The following NREP variants were observed in gnomAD, a reference collection of about 807,000 sequenced individuals.
The protein encoded by NREP is neuronal regeneration related protein.
In NREP, 5 loss-of-function variants were observed where a neutral mutation model predicts 8.6. The ratio of observed to expected loss-of-function variants is 0.58; its 90% confidence interval spans 0.30 to 1.22. The LOEUF (loss-of-function observed/expected upper bound fraction) is 1.22. Among genes scored for constraint, NREP ranks in the 50% most tolerant of loss-of-function variants. NREP has a pLI of 0.07. For synonymous variants in NREP, 27 were observed against 28.0 expected (o/e 0.96, Z 0.11); for missense variants, 86 against 82.5 (o/e 1.04, Z -0.17).
intron 2 of NREP, among the ~76,000 whole-genome samples, chr5:111,919,326 G>A (rs1170411189): frequency 6.6e-6 from 1 of 152,058 alleles, no homozygotes; most frequent in Non-Finnish European, 1.5e-5. Flanking sequence ...GATTCCTCAA[G>A]GATCTAGAAC....
intron 2 of NREP, among the ~76,000 whole-genome samples, chr5:111,820,092 C>A (rs1581140777): frequency 6.6e-6 from 1 of 151,144 alleles, no homozygotes; most frequent in Non-Finnish European, 1.5e-5. Context: ...TCACATTTAA[C>A]AAGAATCCTG....
intron 2 of NREP, among the ~76,000 whole-genome samples, chr5:111,839,127 T>C (rs1017005381): frequency 2.6e-5 from 4 of 152,150 alleles, no homozygotes; most frequent in Admixed American, 2.6e-4. Context: ...TCAGACTTCA[T>C]CTTCATTGTT....
intron 2 of NREP, among the ~76,000 whole-genome samples, chr5:111,958,439 C>A (rs1467852642): frequency 1.3e-5 from 2 of 151,788 alleles, no homozygotes; most frequent in African/African-American, 4.8e-5. Context: ...CCAAGGAAGG[C>A]AAAATGCAGT....
At chr5:111,837,926 C>A (rs1752935394) in intron 2 of NREP, among the ~76,000 whole-genome samples, 1 of 152,126 alleles carries the variant, frequency 6.6e-6, no homozygotes, top group African/African-American at 2.4e-5. Flanking sequence ...ATACTTTCTA[C>A]TGTTATGTGA....
chr5:111,874,534 C>T (rs139968651), intron 2 of NREP, among the ~76,000 whole-genome samples: 1 of 152,180 alleles, frequency 6.6e-6, no homozygotes, highest in Non-Finnish European at 1.5e-5. Context: ...ATTTAACAGG[C>T]TTTTTCTAGA....
chr5:111,882,182 T>G (rs1041684426), intron 2 of NREP, among the ~76,000 whole-genome samples: 4 of 152,132 alleles, frequency 2.6e-5, no homozygotes, highest in Admixed American at 6.5e-5. Context: ...ACGTGAAGAA[T>G]GCAGAAGCCT....
At chr5:111,840,410 G>A (rs926913232) in intron 2 of NREP, among the ~76,000 whole-genome samples, 12 of 152,006 alleles carry the variant, frequency 7.9e-5, no homozygotes, top group African/African-American at 2.9e-4. Context: ...GCCATTATGC[G>A]ACCAGGAAGG....
intron 2 of NREP, among the ~76,000 whole-genome samples, chr5:111,966,817 A>G (rs1756655455): frequency 6.6e-6 from 1 of 152,310 alleles, no homozygotes; most frequent in South Asian, 2.1e-4. Context: ...CATTTTTCCA[A>G]TCTGTTTTTT....
At chr5:111,840,926 G>C (rs1011899763) in intron 2 of NREP, among the ~76,000 whole-genome samples, 2 of 152,050 alleles carry the variant, frequency 1.3e-5, no homozygotes, top group Non-Finnish European at 2.9e-5. Context: ...AAAAGGAGAA[G>C]GGTATTTCAG....
At chr5:111,750,067 C>A (rs1750258361) in intron 2 of NREP, among the ~76,000 whole-genome samples, 1 of 152,122 alleles carries the variant, frequency 6.6e-6, no homozygotes, top group South Asian at 2.1e-4. Context: ...TGCTCAGGGG[C>A]TTCCTATTGC....
chr5:111,803,588 T>C (rs1405375620), intron 2 of NREP, among the ~76,000 whole-genome samples: 1 of 152,178 alleles, frequency 6.6e-6, no homozygotes, highest in African/African-American at 2.4e-5. Flanking sequence ...GTTCAAAGCA[T>C]TTATGTTAAT....
intron 2 of NREP, among the ~76,000 whole-genome samples, chr5:111,880,898 C>T (rs10077865): frequency 0.56 from 84,696 of 151,956 alleles, 24,903 homozygotes; most frequent in Non-Finnish European, 0.67. Context: ...GCGTGAGCAA[C>T]GCAGAAGACG....
chr5:111,853,164 C>A (rs1411230941), intron 2 of NREP, among the ~76,000 whole-genome samples: 1 of 152,000 alleles, frequency 6.6e-6, no homozygotes, highest in African/African-American at 2.4e-5. Context: ...ATGATTCCAA[C>A]TATATAACAT....
intron 2 of NREP, among the ~76,000 whole-genome samples, chr5:111,845,178 C>T (rs538562208): frequency 2.0e-5 from 3 of 152,174 alleles, no homozygotes; most frequent in East Asian, 3.9e-4. Context: ...CTCTCCTTCC[C>T]CTACTTGGAG....
At chr5:111,948,839 A>G (rs1756069911) in intron 2 of NREP, 1 of 152,022 alleles carries the variant, frequency 6.6e-6, no homozygotes, top group Non-Finnish European at 1.5e-5. Context: ...GGCATTTCCA[A>G]TTTTTTCTCA....
intron 2 of NREP, among the ~76,000 whole-genome samples, chr5:111,877,696 A>G (rs1383092215): frequency 6.6e-6 from 1 of 152,220 alleles, no homozygotes; most frequent in African/African-American, 2.4e-5. Flanking sequence ...TCCCATTCCT[A>G]AGCTTTGTTC....
At chr5:111,887,564 G>A (rs923560757) in intron 2 of NREP, among the ~76,000 whole-genome samples, 6 of 152,192 alleles carry the variant, frequency 3.9e-5, no homozygotes, top group Admixed American at 2.6e-4. Flanking sequence ...ACAATGCAGA[G>A]TAGCAGCCTA....
At chr5:111,976,731 T>C (rs1484545880) in exon 1 of NREP, 6 of 1,550,816 alleles carry the variant, frequency 3.9e-6, no homozygotes, top group South Asian at 1.2e-5. Context: ...AATTCCAAAC[T>C]CCTTTCATTC....
At chr5:111,872,354 A>G (rs1054337638) in intron 2 of NREP, among the ~76,000 whole-genome samples, 1 of 152,132 alleles carries the variant, frequency 6.6e-6, no homozygotes, top group Admixed American at 6.6e-5. Flanking sequence ...GCCTCTCCAC[A>G]TTGTGGAGGG....
Sources: allele counts gnomAD v4.1 joint callset (sites outside exome capture counted in the v4.1 genomes callset), GRCh38; gene constraint gnomAD v4.1.1; transcripts MANE v1.5; gene names NCBI Gene and HGNC (gene_info 2026-07-23, HGNC 2026-07-21).